Variants in STMN2 observed in about 807,000 individuals in gnomAD.
STMN2 encodes the protein stathmin 2.
A neutral mutation model predicts 24.1 loss-of-function variants in STMN2; 2 were observed. The ratio of observed to expected loss-of-function variants is 0.08; its 90% CI spans 0.03 to 0.26. The LOEUF (loss-of-function observed/expected upper bound fraction) is 0.26. STMN2 is among the 10% of genes least tolerant of loss of function. The pLI, the probability that STMN2 is intolerant of heterozygous loss-of-function variation, is 1.00. For missense variants in STMN2, 114 were observed against 213.6 expected (o/e 0.53, Z 2.91); for synonymous variants, 83 against 77.5 (o/e 1.07, Z -0.37).
rs13280506 is a variant in STMN2 at position 79,642,297 on chromosome 8, T to C, written c.288+747T>C. Among the ~76,000 whole-genome samples, 6 of 152,290 alleles carry C rather than the reference T, an allele frequency of 3.9e-5. No homozygotes were observed. The East Asian group carries it at 1.2e-3, about 29-fold the overall frequency. On this transcript the variant is annotated intron_variant, in intron 3 of 4. Coordinates refer to ENST00000220876, the MANE Select transcript of STMN2 (RefSeq NM_007029.4). ...TGGCTAAGAAGAGCCAAGGGTATTA[T>C]TTGAGAACACTTAGAAATCCTAGGG...
intron 1 of STMN2, among the ~76,000 whole-genome samples, chr8:79,623,093 T>C (rs1305065042): frequency 6.6e-6 from 1 of 152,188 alleles, no homozygotes; most frequent in African/African-American, 2.4e-5. Flanking sequence ...CAATTTAGCC[T>C]TCCTCTTCTC....
intron 1 of STMN2, among the ~76,000 whole-genome samples, chr8:79,632,725 A>G (rs1563438488): frequency 6.6e-6 from 1 of 152,200 alleles, no homozygotes; most frequent in African/African-American, 2.4e-5. Context: ...AATACATATC[A>G]CTACTTCTTT....
At chr8:79,627,566 C>A (rs1395017353) in intron 1 of STMN2, among the ~76,000 whole-genome samples, 3 of 151,904 alleles carry the variant, frequency 2.0e-5, no homozygotes, top group Non-Finnish European at 4.4e-5. Context: ...TATTTGAAGC[C>A]AAAAATAGAC....
At chr8:79,614,392 A>G (rs1025560042) in intron 1 of STMN2, among the ~76,000 whole-genome samples, 2 of 152,218 alleles carry the variant, frequency 1.3e-5, no homozygotes, top group African/African-American at 4.8e-5. Flanking sequence ...GAATGGATAT[A>G]TAAGTAACTA....
intron 4 of STMN2, among the ~76,000 whole-genome samples, chr8:79,661,408 A>G (rs1168979286): frequency 6.6e-6 from 1 of 152,084 alleles, no homozygotes; most frequent in East Asian, 1.9e-4. Flanking sequence ...CTTTAGTTAT[A>G]GATTCCAGCT....
chr8:79,631,021 G>A (rs922201455), intron 1 of STMN2, among the ~76,000 whole-genome samples: 4 of 152,188 alleles, frequency 2.6e-5, no homozygotes, highest in Non-Finnish European at 4.4e-5. Flanking sequence ...ATCAAGGACT[G>A]TAAGAATTTC....
chr8:79,654,954 C>G lies in STMN2; in HGVS notation c.372C>G (p.Asn124Lys). The G allele has an allele frequency of 6.2e-7, 1 of 1,613,952 alleles. No individual in the cohort carries two copies. Among genetic ancestry groups the G allele is most frequent in the Non-Finnish European group, 8.5e-7 (1 of 1,179,942 alleles). Residue 124 changes from asparagine to lysine, a missense_variant, in exon 4 of 5, where the codon AAC becomes AAG. Physicochemically the swap from Asn to Lys is moderately conservative, Grantham distance 94 (BLOSUM62 0). Transcript: ENST00000220876. ...REVLQKALEE[N>K]NNFSKMAEEK... is the part of the protein sequence containing the mutation. ...TCCTTCAGAAGGCTTTGGAGGAGAA[C>G]AACAACTTCAGCAAGATGGCGGAGG...
At chr8:79,638,408 C>A (rs1360203889) in intron 2 of STMN2, among the ~76,000 whole-genome samples, 1 of 152,036 alleles carries the variant, frequency 6.6e-6, no homozygotes, top group Non-Finnish European at 1.5e-5. Flanking sequence ...TTTCCATAGG[C>A]TTCCATAATT....
chr8:79,636,681 A>T (rs1359207594), intron 1 of STMN2, 121 bp from the exon 2 acceptor site: 3 of 852,408 alleles, frequency 3.5e-6, no homozygotes, highest in Non-Finnish European at 5.5e-6. Flanking sequence ...AAAGAATGCA[A>T]AGGAGTCTAC....
chr8:79,656,536 C>T (rs142153499), intron 4 of STMN2, among the ~76,000 whole-genome samples: 36 of 152,274 alleles, frequency 2.4e-4, no homozygotes, highest in African/African-American at 7.9e-4. Flanking sequence ...GTTCCATTTG[C>T]TAAAGTTTAC....
chr8:79,629,769 A>G (rs1809755726), intron 1 of STMN2, among the ~76,000 whole-genome samples: 1 of 152,164 alleles, frequency 6.6e-6, no homozygotes, highest in African/African-American at 2.4e-5. Flanking sequence ...CTACCCAGAT[A>G]AGAATTCTTT....
At chr8:79,621,777 G>T (rs539261579) in intron 1 of STMN2, among the ~76,000 whole-genome samples, 5 of 152,274 alleles carry the variant, frequency 3.3e-5, no homozygotes, top group African/African-American at 1.2e-4. Context: ...ATAAGCCAGA[G>T]ATAAAACTCA....
rs367799575 is a variant in STMN2 at position 79,611,360 on chromosome 8, G to A, written c.19+146G>A. ...GGACCAGGAAGGACAGGGCAGTTCT[G>A]GGGGAGGTGGGAGGGCAGAGAAGAG... On this transcript the variant is annotated intron_variant, in intron 1 of 4. Transcript: ENST00000220876. 54 of 1,091,150 alleles carry A rather than the reference G, an allele frequency of 4.9e-5. No homozygotes were observed. The East Asian group carries it at 9.0e-4, about 18-fold the overall frequency. The allele number at this position is 1,091,150 out of a possible 1,614,324, so 67.6% of individuals were successfully genotyped here. A position where few individuals can be genotyped will look rare whatever the true frequency, so the allele number is the denominator to read the frequency against.
At chr8:79,645,023 C>G (rs192484140) in intron 3 of STMN2, among the ~76,000 whole-genome samples, 3 of 152,008 alleles carry the variant, frequency 2.0e-5, no homozygotes, top group Admixed American at 6.6e-5. Context: ...GGCATAGTGG[C>G]GAGTGCCTGT....
intron 1 of STMN2, among the ~76,000 whole-genome samples, chr8:79,636,263 C>T (rs965019865): frequency 2.6e-5 from 4 of 152,194 alleles, no homozygotes; most frequent in Admixed American, 2.6e-4. Context: ...TAAGAAAATG[C>T]ACTTGGAGAT....
rs1223432876 is a variant in STMN2, at chr8:79,654,852, CTA to C, written c.289-17_289-16del. 3 of 1,606,238 alleles carry C rather than the reference CTA, an allele frequency of 1.9e-6. No individual in the cohort carries two copies. Among genetic ancestry groups the C allele is most frequent in the Non-Finnish European group, 2.6e-6 (3 of 1,175,060 alleles). ...TTGTGTTTGGATAATTATAAGATGG[CTA>C]TGTTTTTCTTCCCCAGTCTCAGGAG... is the stretch of plus-strand genomic sequence containing the variant. On this transcript the variant is annotated splice_polypyrimidine_tract_variant and intron_variant, in intron 3 of 4. Coordinates refer to ENST00000220876, the MANE Select transcript of STMN2 (RefSeq NM_007029.4).
At chr8:79,611,246 C>T in intron 1 of STMN2, 32 bp downstream of exon 1, 2 of 1,613,664 alleles carry the variant, frequency 1.2e-6, no homozygotes, top group Non-Finnish European at 1.7e-6. Context: ...TCCGTCGGCT[C>T]TACCTGGAGC....
chr8:79,612,172 C>T (rs577278785), intron 1 of STMN2, among the ~76,000 whole-genome samples: 31 of 152,098 alleles, frequency 2.0e-4, no homozygotes, highest in African/African-American at 6.5e-4. Flanking sequence ...GCGCCACGCC[C>T]CGCGCTCCCC....
intron 1 of STMN2, among the ~76,000 whole-genome samples, chr8:79,625,787 G>T (rs1427186346): frequency 6.6e-6 from 1 of 152,002 alleles, no homozygotes; most frequent in African/African-American, 2.4e-5. Context: ...GTGAAACCCT[G>T]TCTCTACTAA....
Sources: allele counts gnomAD v4.1 joint callset (sites outside exome capture counted in the v4.1 genomes callset), GRCh38; gene constraint gnomAD v4.1.1; transcripts MANE v1.5; gene names NCBI Gene and HGNC (gene_info 2026-07-23, HGNC 2026-07-21).